AGFG1: variants seen among roughly 807,000 people sequenced by gnomAD.
AGFG1 encodes the protein arf-GAP domain and FG repeat-containing protein 1.
AGFG1 carries 10 observed loss-of-function variants against 60.6 expected under a neutral mutation model. The observed-to-expected ratio is 0.16, with a 90% CI of 0.10 to 0.28. The LOEUF is 0.28. AGFG1 is among the 10% of genes least tolerant of loss of function. AGFG1 has a pLI of 1.00. For missense variants in AGFG1, 537 were observed against 676.5 expected (o/e 0.79, Z 2.29); for synonymous variants, 247 against 242.9 (o/e 1.02, Z -0.16).
chr2:227,507,359 T>C (rs547978286), intron 2 of AGFG1, among the ~76,000 whole-genome samples: 6 of 152,220 alleles, frequency 3.9e-5, no homozygotes, highest in South Asian at 2.1e-4. Context: ...CCAGCACTTT[T>C]GGGAGGCCGA....
At chr2:227,553,997 T>C (rs1692898077) in intron 12 of AGFG1, among the ~76,000 whole-genome samples, 1 of 152,196 alleles carries the variant, frequency 6.6e-6, no homozygotes, top group South Asian at 2.1e-4. Flanking sequence ...ATCAAAGCAT[T>C]GATAGTTTTT....
chr2:227,481,898 C>G lies in AGFG1; in HGVS notation c.167+9310C>G, dbSNP rs1259988903. On this transcript the variant is annotated intron_variant, in intron 1 of 12. Transcript: ENST00000310078. ...TTTTTTTTTTTTTGAGACAGAGTCT[C>G]GCTGTTGCCCAGGTTGGAGTGCAGG... Among the ~76,000 whole-genome samples the G allele has an allele frequency of 2.2e-5, 3 of 134,774 alleles. No individual in the cohort carries two copies. In the South Asian group the frequency reaches 7.0e-4, roughly 31 times the overall value. 88.4% of individuals were successfully genotyped at this position (134,774 alleles called of 152,430 possible).
intron 1 of AGFG1, among the ~76,000 whole-genome samples, chr2:227,480,221 G>A (rs368021089): frequency 6.6e-6 from 1 of 152,142 alleles, no homozygotes; most frequent in Non-Finnish European, 1.5e-5. Context: ...CATGATCACT[G>A]TCATTGGGTA....
At chr2:227,532,085 CTTTTTTG>C in intron 6 of AGFG1, 2 of 1,413,772 alleles carry the variant, frequency 1.4e-6, no homozygotes, top group South Asian at 1.3e-5. Context: ...TTTCAATTTT[CTTTTTTG>C]TTTTTTCTTT....
intron 2 of AGFG1, among the ~76,000 whole-genome samples, chr2:227,504,104 A>G (rs1231832790): frequency 6.6e-6 from 1 of 151,614 alleles, no homozygotes; most frequent in Non-Finnish European, 1.5e-5. Flanking sequence ...GAAGAGGAGG[A>G]GGGAGGGACT....
intron 1 of AGFG1, among the ~76,000 whole-genome samples, chr2:227,482,101 G>T (rs188715231): frequency 6.6e-6 from 1 of 151,992 alleles, no homozygotes. Context: ...TCCTGACCTC[G>T]TGATCTGCCC....
chr2:227,515,048 G>A (rs531417445), intron 2 of AGFG1, among the ~76,000 whole-genome samples: 2 of 152,094 alleles, frequency 1.3e-5, no homozygotes, highest in African/African-American at 4.8e-5. Context: ...TCAGCCTCCC[G>A]AGTAGCTGGG....
chr2:227,536,519 G>A, intron 8 of AGFG1, 106 bp from the exon 9 acceptor site: 1 of 821,374 alleles, frequency 1.2e-6, no homozygotes, highest in Non-Finnish European at 2.0e-6. Flanking sequence ...TGTTGATACT[G>A]ATGCTGTGAT....
chr2:227,506,352 G>A (rs1168445297), intron 2 of AGFG1, among the ~76,000 whole-genome samples: 2 of 152,084 alleles, frequency 1.3e-5, no homozygotes, highest in East Asian at 3.8e-4. Flanking sequence ...TCAGGAGTGA[G>A]CCAGAGACTT....
rs1659104790 is a variant in AGFG1 at position 227,561,045 on chromosome 2, A to T, written c.*6550A>T. 6.6e-6 allele frequency: 1 copy of T among 152,176 alleles called. No homozygotes were observed. The highest frequency in any genetic ancestry group is 1.5e-5 in the Non-Finnish European group (1 of 67,988). The allele number at this position is 152,176 out of a possible 1,614,324, so 9.4% of individuals were successfully genotyped here. The stretch of plus-strand genomic sequence containing the variant: ...TAATACGCCATGATTTTTGAAGACC[A>T]ATTTTAGTTCAGGAGGTGGTTTTAA... On this transcript the variant is annotated 3_prime_UTR_variant, in exon 13 of 13. Transcript: ENST00000310078.
At chr2:227,514,355 G>A (rs1691590251) in intron 2 of AGFG1, among the ~76,000 whole-genome samples, 1 of 152,062 alleles carries the variant, frequency 6.6e-6, no homozygotes, top group Non-Finnish European at 1.5e-5. Flanking sequence ...GGAATTACAG[G>A]TGCATGCCAC....
At chr2:227,509,569 C>G (rs1344463454) in intron 2 of AGFG1, among the ~76,000 whole-genome samples, 1 of 151,872 alleles carries the variant, frequency 6.6e-6, no homozygotes, top group Non-Finnish European at 1.5e-5. Context: ...GGGTAAAAGG[C>G]TTGTTATGTC....
In AGFG1 at chr2:227,497,730, G is replaced by GTTTTTTT. The variant is rs148621752; in HGVS notation, c.261+6094_261+6095insTTTTTTT. 7.6e-3 allele frequency among the ~76,000 whole-genome samples: 295 copies of GTTTTTTT among 38,912 alleles called. 48 individuals carry two copies. Among genetic ancestry groups the GTTTTTTT allele is most frequent in the African/African-American group, 0.013 (167 of 13,226 alleles). The allele number at this position is 38,912 out of a possible 152,430, so 25.5% of individuals were successfully genotyped here. On this transcript the variant is annotated intron_variant, in intron 2 of 12. Transcript: ENST00000310078. ...ATATAGCCAAATGAGTTTCTTTCTTGTTTTGTTTTTTTTTTTTTTTTTTTT... is the reference window on the plus strand; with the variant it reads ...ATATAGCCAAATGAGTTTCTTTCTTGTTTTTTTTTTTGTTTTTTTTTTTTTTTTTTTT...
At chr2:227,520,643 A>G (rs967182212) in intron 3 of AGFG1, among the ~76,000 whole-genome samples, 4 of 152,338 alleles carry the variant, frequency 2.6e-5, no homozygotes, top group Non-Finnish European at 4.4e-5. Context: ...GGTTGTACAT[A>G]TAGCTAGTAA....
At chr2:227,507,589 C>T (rs574084726) in intron 2 of AGFG1, among the ~76,000 whole-genome samples, 77 of 103,214 alleles carry the variant, frequency 7.5e-4, no homozygotes, top group African/African-American at 2.9e-3. Context: ...GACGACAGAG[C>T]GAGACTCTGT....
At chr2:227,501,954 G>A (rs1227725666) in intron 2 of AGFG1, among the ~76,000 whole-genome samples, 1 of 152,128 alleles carries the variant, frequency 6.6e-6, no homozygotes, top group Non-Finnish European at 1.5e-5. Flanking sequence ...GACCACCTGT[G>A]CTTAAGCAGT....
chr2:227,558,004 C>A lies in AGFG1; in HGVS notation c.*3509C>A, dbSNP rs1455503473. 1 of 152,226 alleles carries A rather than the reference C, an allele frequency of 6.6e-6. No individual in the cohort carries two copies. Among genetic ancestry groups the A allele is most frequent in the Non-Finnish European group, 1.5e-5 (1 of 68,046 alleles). The allele number at this position is 152,226 out of a possible 1,614,324, so 9.4% of individuals were successfully genotyped here. A position where few individuals can be genotyped will look rare whatever the true frequency, so the allele number is the denominator to read the frequency against. ...GTATTTACTTGCAGGGCAAACATAA[C>A]TATTCCCTGGGTTTTTTTTGTTTGC... On this transcript the variant is annotated 3_prime_UTR_variant, in exon 13 of 13. Transcript: ENST00000310078.
intron 2 of AGFG1, among the ~76,000 whole-genome samples, chr2:227,515,522 G>A (rs572021224): frequency 2.6e-5 from 4 of 152,016 alleles, no homozygotes; most frequent in South Asian, 2.1e-4. Flanking sequence ...TTTGTTATCC[G>A]TCTTCCTCCT....
At chr2:227,477,618 A>C (rs992477227) in intron 1 of AGFG1, among the ~76,000 whole-genome samples, 2 of 151,424 alleles carry the variant, frequency 1.3e-5, no homozygotes, top group African/African-American at 4.9e-5. Context: ...TTTTGTTTTT[A>C]TTTTTTGAGA....
Sources: allele counts gnomAD v4.1 joint callset (sites outside exome capture counted in the v4.1 genomes callset), GRCh38; gene constraint gnomAD v4.1.1; transcripts MANE v1.5; gene names NCBI Gene and HGNC (gene_info 2026-07-23, HGNC 2026-07-21).